CLDN14: variants seen among roughly 807,000 people sequenced by gnomAD.
The protein encoded by CLDN14 is claudin-14.
In CLDN14, 2 loss-of-function variants were observed where a neutral mutation model predicts 2.1. The observed-to-expected ratio is 0.96, with a 90% CI of 0.39 to 3.01. CLDN14 has a LOEUF of 3.01. Among genes scored for constraint, CLDN14 ranks in the 30% most tolerant of loss-of-function variants. The pLI, the probability that CLDN14 is intolerant of heterozygous loss-of-function variation, is 0.09. For missense variants in CLDN14, 298 were observed against 328.0 expected (o/e 0.91, Z 0.71); for synonymous variants, 136 against 154.4 (o/e 0.88, Z 0.88).
chr21:36,572,307 G>C (rs1180711115), intron 1 of CLDN14, among the ~76,000 whole-genome samples: 1 of 152,104 alleles, frequency 6.6e-6, no homozygotes, highest in Admixed American at 6.5e-5. Context: ...CCCCAAACAG[G>C]AAGACCCCAA....
intron 1 of CLDN14, among the ~76,000 whole-genome samples, chr21:36,479,023 G>A (rs2086812068): frequency 6.6e-6 from 1 of 152,130 alleles, no homozygotes; most frequent in South Asian, 2.1e-4. Context: ...GGGCAGGGGT[G>A]TATTTAGGGA....
chr21:36,472,763 C>T (rs933108711), intron 1 of CLDN14, among the ~76,000 whole-genome samples: 27 of 152,252 alleles, frequency 1.8e-4, no homozygotes, highest in African/African-American at 5.1e-4. Context: ...ATTCACCTGA[C>T]GTCTTCTTTG....
chr21:36,528,364 T>C (rs2087351571), intron 1 of CLDN14, among the ~76,000 whole-genome samples: 1 of 152,214 alleles, frequency 6.6e-6, no homozygotes, highest in Non-Finnish European at 1.5e-5. Flanking sequence ...AGTGAGACAG[T>C]CCACGTCCTA....
At chr21:36,470,968 C>T (rs943428877) in intron 1 of CLDN14, among the ~76,000 whole-genome samples, 4 of 152,168 alleles carry the variant, frequency 2.6e-5, no homozygotes, top group African/African-American at 7.2e-5. Flanking sequence ...AGAGCAACAT[C>T]GTATTTCAAA....
intron 2 of CLDN14, among the ~76,000 whole-genome samples, chr21:36,492,438 C>CT (rs1157097125): frequency 0.068 from 701 of 10,312 alleles, 202 homozygotes; most frequent in Middle Eastern, 0.25. Flanking sequence ...GAGACTCCGT[C>CT]CCAAAAAAAA....
intron 1 of CLDN14, among the ~76,000 whole-genome samples, chr21:36,567,040 T>C (rs1446044966): frequency 1.3e-5 from 2 of 152,232 alleles, no homozygotes; most frequent in Non-Finnish European, 2.9e-5. Flanking sequence ...TTCCAGGGCA[T>C]ATCTTCATCC....
At chr21:36,536,347 A>T (rs1483041723) in intron 1 of CLDN14, among the ~76,000 whole-genome samples, 1 of 152,228 alleles carries the variant, frequency 6.6e-6, no homozygotes, top group African/African-American at 2.4e-5. Context: ...TAGATGCAGA[A>T]ATCAAGTTAC....
chr21:36,539,641 G>A (rs892294924), intron 1 of CLDN14, among the ~76,000 whole-genome samples: 6 of 147,510 alleles, frequency 4.1e-5, no homozygotes, highest in Admixed American at 6.8e-5. Flanking sequence ...GAGTGTGTGC[G>A]GAGTGTGTGT....
intron 2 of CLDN14, among the ~76,000 whole-genome samples, chr21:36,501,435 T>C (rs577375477): frequency 7.0e-6 from 1 of 143,618 alleles, no homozygotes; most frequent in African/African-American, 2.6e-5. Context: ...ATCTGACCTT[T>C]GGGACATGGA....
At chr21:36,472,901 A>G (rs374652824) in intron 1 of CLDN14, among the ~76,000 whole-genome samples, 37 of 152,280 alleles carry the variant, frequency 2.4e-4, no homozygotes, top group African/African-American at 8.2e-4. Context: ...TCCAAATACT[A>G]TCACATCGGG....
At chr21:36,508,764 A>C (rs1419330142) in intron 2 of CLDN14, among the ~76,000 whole-genome samples, 1 of 152,180 alleles carries the variant, frequency 6.6e-6, no homozygotes, top group East Asian at 1.9e-4. Flanking sequence ...AAACAGTCAC[A>C]AGTTGGAGAG....
intron 1 of CLDN14, among the ~76,000 whole-genome samples, chr21:36,528,038 T>A (rs1480401233): frequency 6.6e-6 from 1 of 152,238 alleles, no homozygotes; most frequent in Non-Finnish European, 1.5e-5. Flanking sequence ...TGTCAAATTT[T>A]ACTTTTAAAA....
intron 2 of CLDN14, chr21:36,486,220 C>T (rs1255063251): frequency 1.1e-6 from 1 of 911,780 alleles, no homozygotes; most frequent in Admixed American, 1.7e-5. Context: ...CCTGGCCAAA[C>T]TCTGCTCCTG....
intron 2 of CLDN14, among the ~76,000 whole-genome samples, chr21:36,501,717 A>G (rs2146477419): frequency 6.6e-6 from 1 of 152,234 alleles, no homozygotes; most frequent in East Asian, 1.9e-4. Context: ...AGGCTCTGTT[A>G]GTCTCTCTTT....
At chr21:36,560,267 A>T (rs2087625275) in intron 1 of CLDN14, among the ~76,000 whole-genome samples, 1 of 151,140 alleles carries the variant, frequency 6.6e-6, no homozygotes, top group South Asian at 2.1e-4. Flanking sequence ...GTCGCTATGA[A>T]TATGGAAAGA....
chr21:36,520,912 C>T (rs996184249), intron 1 of CLDN14, among the ~76,000 whole-genome samples: 4 of 152,096 alleles, frequency 2.6e-5, no homozygotes, highest in Admixed American at 2.6e-4. Flanking sequence ...ATGGACTGGG[C>T]TCACTGATCT....
At chr21:36,557,773 A>G (rs1172681895) in intron 1 of CLDN14, among the ~76,000 whole-genome samples, 2 of 152,232 alleles carry the variant, frequency 1.3e-5, no homozygotes, top group African/African-American at 2.4e-5. Context: ...TTGGCTATGC[A>G]GAAGATTTTT....
intron 1 of CLDN14, among the ~76,000 whole-genome samples, chr21:36,469,872 A>G (rs2086688388): frequency 6.6e-6 from 1 of 152,208 alleles, no homozygotes; most frequent in Admixed American, 6.5e-5. Context: ...TCATTTACTT[A>G]AATACATGAG....
chr21:36,537,401 C>T (rs1252959911), intron 1 of CLDN14, among the ~76,000 whole-genome samples: 1 of 151,994 alleles, frequency 6.6e-6, no homozygotes, highest in Non-Finnish European at 1.5e-5. Flanking sequence ...TTAGATCCTG[C>T]TTTATTTTTT....
Sources: gnomAD v4.1 joint callset for allele counts (sites outside exome capture counted in the v4.1 genomes callset) on GRCh38, gnomAD v4.1.1 for gene constraint, MANE v1.5 for transcripts, NCBI Gene and HGNC (gene_info 2026-07-23, HGNC 2026-07-21) for gene names.